Variants in TFB1M observed in about 807,000 individuals in gnomAD.
TFB1M encodes transcription factor B1, mitochondrial, also known as dimethyladenosine transferase 1, mitochondrial.
Under a neutral mutation model 31.1 loss-of-function variants are expected in TFB1M, and 27 were observed. The observed-to-expected ratio is 0.87, with a 90% CI of 0.64 to 1.20. The LOEUF is 1.20. Among genes scored for constraint, TFB1M ranks in the 50% most tolerant of loss-of-function variants. TFB1M has a pLI of 0.00. For missense variants in TFB1M, 394 were observed against 418.7 expected (o/e 0.94, Z 0.51); for synonymous variants, 166 against 151.8 (o/e 1.09, Z -0.69).
rs543818429 is a variant in TFB1M at position 155,270,047 on chromosome 6, T to G, written c.667-9647A>C. Among the ~76,000 whole-genome samples, 5 of 152,366 alleles carry G rather than the reference T, an allele frequency of 3.3e-5. No homozygotes were observed. In the East Asian group the frequency reaches 9.6e-4, roughly 29 times the overall value. Reference sequence around the variant, plus strand: ...GAAGAGGAGCTCAGAGGTGGAAGGTTCTTGTTCTAGTCTGAAGTCAGAAAC... The same window carrying G: ...GAAGAGGAGCTCAGAGGTGGAAGGTGCTTGTTCTAGTCTGAAGTCAGAAAC... On this transcript the variant is annotated intron_variant, in intron 5 of 6. Coordinates refer to ENST00000367166, the MANE Select transcript of TFB1M (RefSeq NM_016020.4).
At chr6:155,272,613 G>T (rs989133093) in intron 5 of TFB1M, among the ~76,000 whole-genome samples, 1 of 151,942 alleles carries the variant, frequency 6.6e-6, no homozygotes, top group Non-Finnish European at 1.5e-5. Flanking sequence ...TATTATACTC[G>T]TGGCTGGAGG....
At chr6:155,284,038 G>A (rs894457430) in intron 5 of TFB1M, among the ~76,000 whole-genome samples, 7 of 152,286 alleles carry the variant, frequency 4.6e-5, no homozygotes, top group South Asian at 2.1e-4. Flanking sequence ...AGGTGGCACC[G>A]ATAGCAAGCT....
intron 4 of TFB1M, among the ~76,000 whole-genome samples, chr6:155,288,093 T>C (rs773413085): frequency 4.6e-5 from 7 of 152,318 alleles, no homozygotes; most frequent in East Asian, 1.9e-4. Context: ...GAAAACCATA[T>C]AATTTACCTT....
At chr6:155,310,999 T>C (rs62427186) in intron 2 of TFB1M, 189 bp downstream of exon 2, 18,899 of 646,170 alleles carry the variant, frequency 0.029, 309 homozygotes, top group Middle Eastern at 0.06. Context: ...CCTCTGAGAG[T>C]GCTTGTTAAA....
intron 4 of TFB1M, among the ~76,000 whole-genome samples, chr6:155,295,479 T>C (rs543227704): frequency 5.9e-5 from 9 of 152,178 alleles, no homozygotes; most frequent in African/African-American, 1.7e-4. Context: ...CTTACTAGCA[T>C]GGGATGGAAA....
intron 5 of TFB1M, among the ~76,000 whole-genome samples, chr6:155,262,775 T>G (rs760110387): frequency 2.3e-4 from 35 of 152,240 alleles, no homozygotes; most frequent in Non-Finnish European, 4.8e-4. Context: ...AATTTTGGCC[T>G]CATCTTTATT....
At chr6:155,245,755 G>GTTTTTTTTTTTT in the TFB1M span, 3 of 1,023,428 alleles carry the variant, frequency 2.9e-6, no homozygotes, top group Admixed American at 2.7e-5. Flanking sequence ...GCCTTTTATA[G>GTTTTTTTTTTTT]TTTTTTTTTT....
downstream of TFB1M, chr6:155,255,870 C>A (rs113082030): frequency 6.5e-6 from 1 of 153,516 alleles, no homozygotes; most frequent in Non-Finnish European, 1.4e-5. Flanking sequence ...ATTAGCCAGG[C>A]GTGATCATGC....
chr6:155,229,871 C>T, the TFB1M span, among the ~76,000 whole-genome samples: 48,426 of 151,938 alleles, frequency 0.32, 8,539 homozygotes, highest in Middle Eastern at 0.47. Context: ...GGCAAGAGAG[C>T]GTGTGCAGGG....
At chr6:155,240,400 C>T in the TFB1M span, 1 of 915,092 alleles carries the variant, frequency 1.1e-6, no homozygotes, top group South Asian at 2.3e-5. Context: ...GAATGAAACC[C>T]TTTGCCCTAC....
At chr6:155,242,901 ATTTT>A in the TFB1M span, among the ~76,000 whole-genome samples, 1 of 131,834 alleles carries the variant, frequency 7.6e-6, no homozygotes, top group Non-Finnish European at 1.7e-5. Flanking sequence ...ACACCCAGCT[ATTTT>A]TTTTTTTTCT....
chr6:155,258,759 G>T (rs1031005038), intron 6 of TFB1M, among the ~76,000 whole-genome samples: 3 of 152,188 alleles, frequency 2.0e-5, no homozygotes, highest in African/African-American at 7.2e-5. Context: ...ATCCCAAGGG[G>T]CTTGGAAGGT....
intron 1 of TFB1M, chr6:155,313,267 AAAG>A (rs1420360887): frequency 6.6e-6 from 1 of 152,262 alleles, no homozygotes; most frequent in Non-Finnish European, 1.5e-5. Flanking sequence ...AAAAAAAAAA[AAAG>A]AGAAAACTTG....
chr6:155,244,597 T>A, the TFB1M span: 1 of 1,573,570 alleles, frequency 6.4e-7, no homozygotes, highest in Non-Finnish European at 8.7e-7. Context: ...GCCTAAGAGT[T>A]AGCGTGGTGT....
chr6:155,304,036 G>A (rs764282982), intron 2 of TFB1M, among the ~76,000 whole-genome samples: 1 of 151,988 alleles, frequency 6.6e-6, no homozygotes, highest in Non-Finnish European at 1.5e-5. Flanking sequence ...AAACCCAAAG[G>A]TTAGGAGGCC....
In TFB1M at chr6:155,294,204, G is replaced by A. The variant is rs549454342; in HGVS notation, c.546+2749C>T. 3.3e-5 allele frequency among the ~76,000 whole-genome samples: 5 copies of A among 152,244 alleles called. No homozygotes were observed. The South Asian group carries it at 8.3e-4, about 25-fold the overall frequency. ...TTCACTATACACAGAGATCAAACCC[G>A]AGTGGACTATAGATATAAATGTGAA... On this transcript the variant is annotated intron_variant, in intron 4 of 6. Coordinates refer to ENST00000367166, the MANE Select transcript of TFB1M (RefSeq NM_016020.4).
At chr6:155,245,820 G>A in the TFB1M span, 5 of 898,504 alleles carry the variant, frequency 5.6e-6, no homozygotes, top group East Asian at 2.5e-5. Flanking sequence ...CAAGTAGAGA[G>A]TAAGTACAAT....
chr6:155,314,084 C>G (rs995872301), intron 1 of TFB1M: 18 of 1,444,436 alleles, frequency 1.2e-5, no homozygotes, highest in East Asian at 1.0e-4. Context: ...CTACACCCCC[C>G]CGAACGCGGA....
the TFB1M span, chr6:155,243,926 G>A: frequency 2.1e-6 from 2 of 963,346 alleles, no homozygotes; most frequent in African/African-American, 1.6e-5. Context: ...AGCCTTGGGA[G>A]CTGCTGCCAG....
Sources: allele counts gnomAD v4.1 joint callset (sites outside exome capture counted in the v4.1 genomes callset), GRCh38; gene constraint gnomAD v4.1.1; transcripts MANE v1.5; gene names NCBI Gene and HGNC (gene_info 2026-07-23, HGNC 2026-07-21).